MAST4: variants seen among roughly 807,000 people sequenced by gnomAD.
MAST4 encodes microtubule associated serine/threonine kinase family member 4.
A neutral mutation model predicts 162.7 loss-of-function variants in MAST4; 89 were observed. The observed-to-expected ratio is 0.55, with a 90% CI of 0.46 to 0.65. MAST4 has a LOEUF of 0.65. MAST4 is among the 30% of genes least tolerant of loss of function. The pLI is 0.00. For missense variants in MAST4, 3,153 were observed against 3,374.0 expected, an observed-to-expected ratio of 0.93 and a Z score of 1.62; for synonymous variants, 1,479 against 1,361.1, an observed-to-expected ratio of 1.09 and a Z score of -1.91.
chr5:66,861,548 C>T (rs1020278983), intron 3 of MAST4, among the ~76,000 whole-genome samples: 1 of 152,226 alleles, frequency 6.6e-6, no homozygotes, highest in Admixed American at 6.5e-5. Flanking sequence ...TAGAGAGTGC[C>T]TTCCACACAT....
chr5:67,049,025 A>ATATATATATATATACACG (rs1561576247), intron 4 of MAST4, among the ~76,000 whole-genome samples: 6 of 69,068 alleles, frequency 8.7e-5, no homozygotes, highest in African/African-American at 2.6e-4. Flanking sequence ...ATATATACGT[A>ATATATATATATATACACG]TATATATATA....
chr5:67,114,326 T>A, intron 12 of MAST4, 107 bp downstream of exon 12: 1 of 1,335,904 alleles, frequency 7.5e-7, no homozygotes, highest in East Asian at 2.6e-5. Context: ...TGGCTCTATC[T>A]ATTGATAAGT....
rs747566013 is a variant in MAST4 at position 67,162,692 on chromosome 5, C to T, written c.3871C>T (p.Leu1291=). Residue 1291 remains leucine (L), a synonymous_variant, in exon 28 of 29, where the codon CTG becomes TTG. Transcript: ENST00000403625. ...SRSFSCLNRS[L]SSGESLPGSP... The stretch of plus-strand genomic sequence containing the variant: ...AAGTTTCTCCTGCTTGAACAGATCC[C>T]TGTCATCGGGTGAGAGCCTCCCAGG... 2.5e-6 allele frequency: 4 copies of T among 1,613,890 alleles called. No homozygotes were observed. The South Asian group carries it at 4.4e-5, about 18-fold the overall frequency.
At chr5:66,950,775 C>G (rs1253636408) in intron 4 of MAST4, among the ~76,000 whole-genome samples, 1 of 152,096 alleles carries the variant, frequency 6.6e-6, no homozygotes, top group Non-Finnish European at 1.5e-5. Context: ...GAGTTCCTGC[C>G]TCCATTACTT....
chr5:67,138,941 G>A (rs537578191), intron 19 of MAST4, among the ~76,000 whole-genome samples: 376 of 152,310 alleles, frequency 2.5e-3, no homozygotes, highest in Non-Finnish European at 4.0e-3. Flanking sequence ...AACTAGACAA[G>A]GATGTGATAA....
chr5:67,061,337 A>C (rs1388886464), intron 5 of MAST4, among the ~76,000 whole-genome samples: 3 of 152,174 alleles, frequency 2.0e-5, no homozygotes, highest in African/African-American at 7.2e-5. Context: ...GACATTTTCC[A>C]TACTCATTAA....
chr5:66,980,683 G>A (rs779106002), intron 4 of MAST4, among the ~76,000 whole-genome samples: 1 of 152,208 alleles, frequency 6.6e-6, no homozygotes, highest in Non-Finnish European at 1.5e-5. Context: ...CAAGAATATT[G>A]CTTTCCAGCA....
At chr5:67,008,012 A>G (rs78008851) in intron 4 of MAST4, among the ~76,000 whole-genome samples, 2,583 of 152,280 alleles carry the variant, frequency 0.017, 83 homozygotes, top group African/African-American at 0.059. Flanking sequence ...TGTCTTGACC[A>G]TGGCAGACAT....
chr5:67,082,656 A>T (rs1460596761), intron 5 of MAST4, among the ~76,000 whole-genome samples: 1 of 152,228 alleles, frequency 6.6e-6, no homozygotes, highest in Non-Finnish European at 1.5e-5. Flanking sequence ...CATTGTATCA[A>T]TATTGTATTT....
intron 2 of MAST4, 71 bp downstream of exon 2, chr5:66,759,933 C>A: frequency 6.5e-7 from 1 of 1,529,446 alleles, no homozygotes; most frequent in Non-Finnish European, 8.9e-7. Context: ...CCCCAGAGTT[C>A]CACATGTAAT....
At chr5:67,126,770 A>G (rs980263877) in intron 14 of MAST4, among the ~76,000 whole-genome samples, 1 of 152,124 alleles carries the variant, frequency 6.6e-6, no homozygotes, top group African/African-American at 2.4e-5. Context: ...GCTTTTTCCA[A>G]TTCTATGAAA....
intron 10 of MAST4, 83 bp downstream of exon 10, chr5:67,104,658 A>G (rs1765394866): frequency 1.9e-6 from 2 of 1,036,580 alleles, no homozygotes; most frequent in Non-Finnish European, 2.8e-6. Context: ...AGTTATAACC[A>G]TGAAATGGAG....
chr5:67,164,387 T>A lies in MAST4; in HGVS notation c.5208T>A (p.Ser1736=), dbSNP rs1260260424. The A allele has an allele frequency of 2.5e-6, 4 of 1,614,012 alleles. No individual in the cohort carries two copies. In the East Asian group the frequency reaches 8.9e-5, roughly 36 times the overall value. The change falls in exon 29 of 29, where the codon TCT becomes TCA. Residue 1736 remains serine (S), a synonymous_variant. Transcript: ENST00000403625. This position sits in a 1 kb window ranked among gnomAD's most constrained non-coding sequence, Gnocchi z 5.3. ...TGGQQEPPPA[S]ESRAFVSSTH... is the part of the protein sequence containing the mutation. ...GGCAGCAGGAGCCCCCGCCGGCTTC[T>A]GAGAGCCGAGCTTTTGTCAGCAGCA...
At chr5:67,036,161 C>G (rs1581278893) in intron 4 of MAST4, among the ~76,000 whole-genome samples, 1 of 152,274 alleles carries the variant, frequency 6.6e-6, no homozygotes, top group Middle Eastern at 3.4e-3. Flanking sequence ...ACTTTTCATT[C>G]TCTTCCTGCA....
At chr5:66,617,462 G>A (rs987670328) in intron 1 of MAST4, among the ~76,000 whole-genome samples, 3 of 149,340 alleles carry the variant, frequency 2.0e-5, no homozygotes, top group East Asian at 1.9e-4. Flanking sequence ...GTCAGTAAAA[G>A]CAGAGAAGGG....
At chr5:67,105,264 T>C (rs1005017488) in intron 10 of MAST4, among the ~76,000 whole-genome samples, 1 of 152,202 alleles carries the variant, frequency 6.6e-6, no homozygotes, top group African/African-American at 2.4e-5. Flanking sequence ...TTTGTATATA[T>C]TGTATTTTTG....
At chr5:66,684,535 G>A (rs77056016) in intron 1 of MAST4, among the ~76,000 whole-genome samples, 4,534 of 152,262 alleles carry the variant, frequency 0.03, 235 homozygotes, top group African/African-American at 0.1. Context: ...ATGTATATAT[G>A]CATTGTGAAT....
chr5:66,858,513 A>C (rs1308992474), intron 3 of MAST4, among the ~76,000 whole-genome samples: 5 of 152,000 alleles, frequency 3.3e-5, no homozygotes, highest in Admixed American at 2.0e-4. Flanking sequence ...TCTGTTTTTC[A>C]GTTCTCTACT....
In MAST4 at chr5:67,114,134, C is replaced by G; in HGVS notation, c.1506C>G (p.Gly502=). 1.2e-6 allele frequency: 2 copies of G among 1,613,532 alleles called. No individual in the cohort carries two copies. The highest frequency in any genetic ancestry group is 1.7e-6 in the Non-Finnish European group (2 of 1,179,720). The part of the protein sequence containing the change: ...EFYYLLEAAE[G]HAKEGQGIKT... ...ACTACCTATTGGAAGCAGCAGAAGG[C>G]CATGCCAAAGAAGGACAGGGTATTA... The change falls in exon 12 of 29, where the codon GGC becomes GGG. Residue 502 remains glycine, a synonymous_variant. Coordinates refer to ENST00000403625, the MANE Select transcript of MAST4 (RefSeq NM_001164664.2).
Sources: gnomAD v4.1 joint callset for allele counts (sites outside exome capture counted in the v4.1 genomes callset) on GRCh38, gnomAD v4.1.1 for gene constraint, Gnocchi (gnomAD v3.1) non-coding constraint, MANE v1.5 for transcripts, NCBI Gene and HGNC (gene_info 2026-07-23, HGNC 2026-07-21) for gene names.